Variants in LAMA2 observed in about 807,000 individuals in gnomAD.
LAMA2 encodes laminin subunit alpha 2, also known as laminin subunit alpha-2.
A neutral mutation model predicts 364.8 loss-of-function variants in LAMA2; 269 were observed. The ratio of observed to expected loss-of-function variants is 0.74; its 90% CI spans 0.67 to 0.82. The LOEUF is 0.82. Ranked by LOEUF, LAMA2 falls within the 40% of genes least tolerant of loss-of-function variation. The pLI is 0.00. For synonymous variants in LAMA2, 1,379 were observed against 1,370.6 expected, an observed-to-expected ratio of 1.01 and a Z score of -0.14; for missense variants, 3,807 against 3,873.2, an observed-to-expected ratio of 0.98 and a Z score of 0.45.
intron 1 of LAMA2, among the ~76,000 whole-genome samples, chr6:128,950,610 C>A (rs1251321531): frequency 6.6e-6 from 1 of 152,076 alleles, no homozygotes; most frequent in Non-Finnish European, 1.5e-5. Flanking sequence ...AGGATTGAAC[C>A]TCTTTCTCTC....
At chr6:129,345,259 C>T (rs1211193620) in intron 30 of LAMA2, among the ~76,000 whole-genome samples, 1 of 152,090 alleles carries the variant, frequency 6.6e-6, no homozygotes, top group Non-Finnish European at 1.5e-5. Flanking sequence ...ATTGAACATG[C>T]CTGGGCTACA....
At chr6:128,992,139 G>T (rs1240197130) in intron 1 of LAMA2, among the ~76,000 whole-genome samples, 1 of 152,168 alleles carries the variant, frequency 6.6e-6, no homozygotes, top group Non-Finnish European at 1.5e-5. Flanking sequence ...AATCTCATAG[G>T]TGTGTAATAT....
chr6:129,437,571 G>A (rs1781896150), intron 41 of LAMA2, among the ~76,000 whole-genome samples: 1 of 151,876 alleles, frequency 6.6e-6, no homozygotes, highest in Non-Finnish European at 1.5e-5. Context: ...TAGTACGCAT[G>A]TCCCAAAACA....
chr6:129,231,187 G>A (rs1479979807), intron 12 of LAMA2, among the ~76,000 whole-genome samples: 7 of 151,976 alleles, frequency 4.6e-5, no homozygotes, highest in Admixed American at 2.0e-4. Flanking sequence ...TTATGCAAAT[G>A]CAAAAATTAA....
chr6:129,080,720 G>A (rs151262500), intron 3 of LAMA2, among the ~76,000 whole-genome samples: 5,991 of 152,158 alleles, frequency 0.039, 341 homozygotes, highest in African/African-American at 0.12. Context: ...TTAGAATGGC[G>A]ATCATTAAAA....
intron 1 of LAMA2, among the ~76,000 whole-genome samples, chr6:128,958,017 C>A (rs1562869686): frequency 6.6e-6 from 1 of 151,950 alleles, no homozygotes. Context: ...TAGCCCTTCC[C>A]TGTTCCCTGT....
intron 14 of LAMA2, 131 bp downstream of exon 14, chr6:129,252,426 C>T (rs1374177420): frequency 1.5e-6 from 1 of 682,706 alleles, no homozygotes; most frequent in East Asian, 2.7e-5. Flanking sequence ...AGAACGGAGC[C>T]CTAGTTTTCT....
intron 3 of LAMA2, among the ~76,000 whole-genome samples, chr6:129,091,890 G>A (rs1774852315): frequency 6.6e-6 from 1 of 152,168 alleles, no homozygotes; most frequent in African/African-American, 2.4e-5. Context: ...GTCAGAATCT[G>A]TATAAGTATC....
chr6:128,953,148 G>C (rs1473675965), intron 1 of LAMA2, among the ~76,000 whole-genome samples: 1 of 152,092 alleles, frequency 6.6e-6, no homozygotes, highest in East Asian at 1.9e-4. Context: ...TCAGAGAAGT[G>C]GTATTGCCTG....
rs184942354 is a variant in LAMA2, at chr6:129,251,969, A to G, written c.1885-115A>G. ...ATAAATAAATAAAAAATAAACATAA[A>G]TTTTTAAAGTTAAAAGTCTATTGAG... On this transcript the variant is annotated intron_variant, in intron 13 of 64. Transcript: ENST00000421865. 8 of 668,534 alleles carry G rather than the reference A, an allele frequency of 1.2e-5. No homozygotes were observed. In the African/African-American group the frequency reaches 1.3e-4, roughly 11 times the overall value. The allele number at this position is 668,534 out of a possible 1,614,324, so 41.4% of individuals were successfully genotyped here.
At chr6:129,349,633 GTA>G (rs531622069) in intron 31 of LAMA2, among the ~76,000 whole-genome samples, 19 of 148,714 alleles carry the variant, frequency 1.3e-4, no homozygotes, top group African/African-American at 2.0e-4. Context: ...TTATGCTTTA[GTA>G]TATATATATA....
rs997799875 is a variant in LAMA2 at position 129,278,755 on chromosome 6, C to T, written c.2451-1306C>T. Among the ~76,000 whole-genome samples the T allele has an allele frequency of 4.6e-5, 7 of 152,250 alleles. No individual in the cohort carries two copies. In the East Asian group the frequency reaches 5.8e-4, roughly 13 times the overall value. Reference sequence around the variant, plus strand: ...ATAAATTCAAAGCATCCCAGACCAGCCTTTATCTCCTTGACCCAGCAGATT... The same window carrying T: ...ATAAATTCAAAGCATCCCAGACCAGTCTTTATCTCCTTGACCCAGCAGATT... On this transcript the variant is annotated intron_variant, in intron 17 of 64. Coordinates refer to ENST00000421865, the MANE Select transcript of LAMA2 (RefSeq NM_000426.4).
Position 129,366,360 on chromosome 6 carries a change from AG to A in LAMA2, c.4860+1del, listed in dbSNP as rs1777776923. 1.2e-6 allele frequency: 2 copies of A among 1,613,500 alleles called. No homozygotes were observed. The highest frequency in any genetic ancestry group is 1.7e-6 in the Non-Finnish European group (2 of 1,179,888). On this transcript the variant is annotated frameshift_variant and splice_region_variant, in exon 33 of 65. Coordinates refer to ENST00000421865, the MANE Select transcript of LAMA2 (RefSeq NM_000426.4). LOFTEE classifies it high-confidence loss of function. ...YGLENMTQEL[K>X]HLLSPQRAPE... ...CTTGAAAATATGACTCAGGAGCTAA[AG>A]GTAGGTTGGTGCAGTCACAAGCAAG... is the stretch of plus-strand genomic sequence containing the variant.
chr6:129,349,357 G>C lies in LAMA2; in HGVS notation c.4496G>C (p.Arg1499Pro). 3 of 1,613,500 alleles carry C rather than the reference G, an allele frequency of 1.9e-6. No homozygotes were observed. ...LDDYRCTACP[R>P]GYEGQYCERC... ...GACTACCGCTGCACGGCTTGTCCAC[G>C]GGGATATGAAGGCCAGTACTGTGAA... Residue 1499 changes from arginine to proline, a missense_variant, in exon 31 of 65, where the codon CGG becomes CCG. Physicochemically the swap from Arg to Pro is moderately radical, Grantham distance 103 (BLOSUM62 -2). This residue lies in a region of LAMA2 where 3,333 missense variants were observed against 3,345.7 expected (regional missense o/e 1.00). Transcript: ENST00000421865.
chr6:129,126,455 A>T (rs1777119875), intron 4 of LAMA2, among the ~76,000 whole-genome samples: 1 of 152,230 alleles, frequency 6.6e-6, no homozygotes, highest in Non-Finnish European at 1.5e-5. Flanking sequence ...ATGTTTCTTG[A>T]GTCTGGCTTA....
chr6:129,320,721 A>G, intron 28 of LAMA2, 66 bp downstream of exon 28: 1 of 849,614 alleles, frequency 1.2e-6, no homozygotes, highest in Middle Eastern at 2.2e-4. Context: ...AAATACTCCC[A>G]GAAGTACCTT....
At chr6:129,449,179 T>C (rs1395035919) in intron 45 of LAMA2, among the ~76,000 whole-genome samples, 1 of 152,218 alleles carries the variant, frequency 6.6e-6, no homozygotes, top group East Asian at 1.9e-4. Context: ...AAGAGTATTT[T>C]CTATATGAAT....
chr6:129,173,687 G>A (rs1473208459), intron 9 of LAMA2, among the ~76,000 whole-genome samples: 3 of 152,136 alleles, frequency 2.0e-5, no homozygotes, highest in African/African-American at 7.2e-5. Context: ...ACACATATTT[G>A]TAGGTCATTT....
intron 6 of LAMA2, 115 bp downstream of exon 6, chr6:129,147,163 A>T (rs1778509240): frequency 2.7e-6 from 2 of 754,338 alleles, no homozygotes; most frequent in Non-Finnish European, 4.9e-6. Flanking sequence ...CCACTTAGAC[A>T]GTGTAACAGA....
Sources: gnomAD v4.1 joint callset for allele counts (sites outside exome capture counted in the v4.1 genomes callset) on GRCh38, gnomAD v4.1.1 for gene constraint, gnomAD v4.1.1 regional missense constraint, MANE v1.5 for transcripts, NCBI Gene and HGNC (gene_info 2026-07-23, HGNC 2026-07-21) for gene names.